HCN4: variants seen among roughly 807,000 people sequenced by gnomAD.
HCN4 encodes potassium/sodium hyperpolarization-activated cyclic nucleotide-gated channel 4.
In HCN4, 29 loss-of-function variants were observed where a neutral mutation model predicts 76.9. The ratio of observed to expected loss-of-function variants is 0.38; its 90% confidence interval spans 0.28 to 0.51. The LOEUF is 0.51. HCN4 is among the 20% of genes least tolerant of loss of function. The probability of loss-of-function intolerance (pLI) is 0.90; values close to 1 mark genes in which losing one functional copy is unlikely to be tolerated. For missense variants in HCN4, 1,416 were observed against 1,715.2 expected (o/e 0.83, Z 3.08); for synonymous variants, 772 against 762.5 (o/e 1.01, Z -0.21).
In HCN4 at chr15:73,368,160, G is replaced by T. The variant is rs905503770; in HGVS notation, c.111C>A (p.Ala37=). Residue 37 remains alanine (A), a synonymous_variant, in exon 1 of 8, where the codon GCC becomes GCA. Transcript: ENST00000261917. The surrounding 1 kb of genome is among the most constrained non-coding windows in gnomAD (Gnocchi z 6.9). ...TGCGGCTGGGGTCTTGGCGGCCCCCGGCCCCCTCCTCCTCGGCGTCCTCTT... is the reference window on the plus strand; with the variant it reads ...TGCGGCTGGGGTCTTGGCGGCCCCCTGCCCCCTCCTCCTCGGCGTCCTCTT... ...DEEEDAEEEG[A]GGRQDPSRRS... 6.6e-7 allele frequency: 1 copy of T among 1,525,522 alleles called. No homozygotes were observed. The highest frequency in any genetic ancestry group is 8.8e-7 in the Non-Finnish European group (1 of 1,138,448). The allele number at this position is 1,525,522 out of a possible 1,614,324, so 94.5% of individuals were successfully genotyped here.
chr15:73,360,579 ATG>A (rs774487607), intron 1 of HCN4, among the ~76,000 whole-genome samples: 92 of 152,186 alleles, frequency 6.0e-4, no homozygotes, highest in Non-Finnish European at 1.6e-4. Flanking sequence ...AGAAGGAGGA[ATG>A]TCAAATTCCA....
intron 7 of HCN4, 28 bp downstream of exon 7, chr15:73,324,061 T>G (rs776125013): frequency 1.6e-6 from 2 of 1,234,262 alleles, no homozygotes; most frequent in East Asian, 6.6e-5. Flanking sequence ...ACCCCCCACC[T>G]GCCCCGCCTG....
chr15:73,366,911 C>A (rs994737917), intron 1 of HCN4, among the ~76,000 whole-genome samples: 1 of 152,230 alleles, frequency 6.6e-6, no homozygotes, highest in Non-Finnish European at 1.5e-5. Context: ...CACCACTCAG[C>A]ATGAGGAGCT....
rs2043018500 is a variant in HCN4 at position 73,343,790 on chromosome 15, G to T, written c.804C>A (p.Thr268=). The T allele has an allele frequency of 1.9e-6, 3 of 1,614,094 alleles. No individual in the cohort carries two copies. Among genetic ancestry groups the T allele is most frequent in the African/African-American group, 1.3e-5 (1 of 75,036 alleles). The part of the protein sequence containing the change: ...YSDFRFYWDL[T]MLLLMVGNLI... ...GGTTTCCCACCATCAGCAGCAGCAT[G>T]GTCAGGTCCCAGTAAAATCTGCCCA... Residue 268 remains threonine (T), a synonymous_variant, in exon 2 of 8, where the codon ACC becomes ACA. Transcript: ENST00000261917. This position sits in a 1 kb window ranked among gnomAD's most constrained non-coding sequence, Gnocchi z 5.7.
chr15:73,347,984 G>A (rs76895950), intron 1 of HCN4, among the ~76,000 whole-genome samples: 1,627 of 152,334 alleles, frequency 0.011, 21 homozygotes, highest in African/African-American at 0.035. Flanking sequence ...CAGGCAGGCA[G>A]GTGGCCTCTC....
chr15:73,357,011 T>C (rs1174899193), intron 1 of HCN4, among the ~76,000 whole-genome samples: 1 of 152,118 alleles, frequency 6.6e-6, no homozygotes. Context: ...CCCAGCTCAT[T>C]GGCTCCCAAA....
chr15:73,358,433 G>C (rs1263056949), intron 1 of HCN4, among the ~76,000 whole-genome samples: 2 of 152,196 alleles, frequency 1.3e-5, no homozygotes, highest in Non-Finnish European at 2.9e-5. Flanking sequence ...GGCTGCTCTA[G>C]CCTCCAACGG....
At chr15:73,335,034 G>T (rs1010342088) in intron 2 of HCN4, among the ~76,000 whole-genome samples, 1 of 152,006 alleles carries the variant, frequency 6.6e-6, no homozygotes, top group Non-Finnish European at 1.5e-5. Context: ...GGGAGAAGGC[G>T]GCCGTCTACA....
At position 73,322,915 on chromosome 15, in the gene HCN4, G is replaced by C; in HGVS notation, c.3178C>G (p.Pro1060Ala). 3 of 1,401,480 alleles carry C rather than the reference G, an allele frequency of 2.1e-6. No individual in the cohort carries two copies. Among genetic ancestry groups the C allele is most frequent in the South Asian group, 2.9e-5 (2 of 67,846 alleles). 86.8% of individuals were successfully genotyped at this position (1,401,480 alleles called of 1,614,324 possible). The change falls in exon 8 of 8, where the codon CCC becomes GCC. Residue 1060 changes from proline (P) to alanine (A), a missense_variant. Pro to Ala is a conservative substitution (Grantham distance 27). Transcript: ENST00000261917. ...GSLLLPPASS[P>A]PPPQVPQRRG... ...CGCTGGGGGACCTGGGGTGGTGGGG[G>C]GCTGGATGCAGGTGGCAGGAGCAAG...
intron 1 of HCN4, among the ~76,000 whole-genome samples, chr15:73,358,682 T>C (rs2043091947): frequency 1.3e-5 from 2 of 152,214 alleles, no homozygotes; most frequent in Middle Eastern, 3.4e-3. Flanking sequence ...GAGTACAGGT[T>C]AAAGGAGGCA....
rs930406761 is a variant in HCN4, at chr15:73,325,890, A to G, written c.1591-446T>C. ...CAGTCAGGAGGCAAGGGTGCGATGG[A>G]TCAGAACGCTCAGAGGCAGAAGCAA... is the stretch of plus-strand genomic sequence containing the variant. On this transcript the variant is annotated intron_variant, in intron 4 of 7. Transcript: ENST00000261917. This position sits in a 1 kb window ranked among gnomAD's most constrained non-coding sequence, Gnocchi z 7.4. 6.6e-5 allele frequency among the ~76,000 whole-genome samples: 10 copies of G among 152,154 alleles called. No homozygotes were observed. The highest frequency in any genetic ancestry group is 2.4e-4 in the African/African-American group (10 of 41,432).
Position 73,343,265 on chromosome 15 carries a change from A to G in HCN4, c.1209+120T>C. ...AACTTACTAGTATTTGTCCTCTTGG[A>G]GCAGGTGTGCCTGCCACAATCTGAC... On this transcript the variant is annotated intron_variant, in intron 2 of 7. Transcript: ENST00000261917. This position sits in a 1 kb window ranked among gnomAD's most constrained non-coding sequence, Gnocchi z 5.7. The G allele has an allele frequency of 1.1e-6, 1 of 918,622 alleles. No individual in the cohort carries two copies. Among genetic ancestry groups the G allele is most frequent in the South Asian group, 1.4e-5 (1 of 69,148 alleles). 56.9% of individuals were successfully genotyped at this position (918,622 alleles called of 1,614,324 possible).
Position 73,325,419 on chromosome 15 carries a change from G to T in HCN4, c.1616C>A (p.Ser539Tyr), listed in dbSNP as rs768732217. 1 of 1,614,146 alleles carries T rather than the reference G, an allele frequency of 6.2e-7. No individual in the cohort carries two copies. Among genetic ancestry groups the T allele is most frequent in the Admixed American group, 1.7e-5 (1 of 60,026 alleles). ...EKYKQVEQYM[S>Y]FHKLPPDTRQ... ...GGTGTCGGGCGGGAGCTTGTGAAAG[G>T]ACATGTACTGCTCCACCTGCTTGTA... The change falls in exon 5 of 8, where the codon TCC (serine) becomes TAC (tyrosine). Residue 539 changes from serine (S) to tyrosine (Y), a missense_variant. This residue lies in a region of HCN4 where 241 missense variants were observed against 379.4 expected (regional missense o/e 0.64). Transcript: ENST00000261917. This position sits in a 1 kb window ranked among gnomAD's most constrained non-coding sequence, Gnocchi z 7.4.
chr15:73,360,625 CCTCT>C (rs140768890), intron 1 of HCN4, among the ~76,000 whole-genome samples: 3 of 150,272 alleles, frequency 2.0e-5, no homozygotes, highest in African/African-American at 4.9e-5. Flanking sequence ...ATTTGGGGGA[CCTCT>C]CTCTCTCTCT....
chr15:73,344,259 A>G (rs2043020583), intron 1 of HCN4, among the ~76,000 whole-genome samples: 1 of 152,198 alleles, frequency 6.6e-6, no homozygotes, highest in African/African-American at 2.4e-5. Flanking sequence ...TCCACAGACC[A>G]TGACCAAAGA....
At chr15:73,347,564 G>A (rs1383998062) in intron 1 of HCN4, among the ~76,000 whole-genome samples, 3 of 152,108 alleles carry the variant, frequency 2.0e-5, no homozygotes, top group South Asian at 2.1e-4. Flanking sequence ...ACTCGGTCAC[G>A]GTCACACATG....
chr15:73,331,804 C>T (rs2042934545), intron 3 of HCN4, among the ~76,000 whole-genome samples: 1 of 152,118 alleles, frequency 6.6e-6, no homozygotes, highest in Non-Finnish European at 1.5e-5. Flanking sequence ...CCAGGAGCTG[C>T]CAGCCCAGCA....
intron 1 of HCN4, among the ~76,000 whole-genome samples, chr15:73,350,919 C>T (rs1318466807): frequency 1.3e-5 from 2 of 152,150 alleles, no homozygotes; most frequent in Non-Finnish European, 2.9e-5. Flanking sequence ...TCACCGTCCC[C>T]ACACTCTCGC....
chr15:73,332,755 C>T (rs915369778), intron 2 of HCN4, among the ~76,000 whole-genome samples: 8 of 152,156 alleles, frequency 5.3e-5, no homozygotes, highest in African/African-American at 1.2e-4. Flanking sequence ...GACTCACACA[C>T]GGTAGCCACG....
Sources: allele counts gnomAD v4.1 joint callset (sites outside exome capture counted in the v4.1 genomes callset), GRCh38; gene constraint gnomAD v4.1.1; regional missense constraint gnomAD v4.1.1; non-coding constraint Gnocchi (gnomAD v3.1); transcripts MANE v1.5; gene names NCBI Gene and HGNC (gene_info 2026-07-23, HGNC 2026-07-21).